BEND6: variants seen among roughly 807,000 people sequenced by gnomAD.
The protein encoded by BEND6 is BEN domain-containing protein 6.
In BEND6, 24 loss-of-function variants were observed where a neutral mutation model predicts 31.8. That is an observed-to-expected ratio of 0.75 (90% CI 0.55 to 1.06). The LOEUF is 1.06. Ranked by LOEUF, BEND6 falls within the 50% of genes least tolerant of loss-of-function variation. BEND6 has a pLI of 0.00. For synonymous variants in BEND6, 109 were observed against 114.6 expected (o/e 0.95, Z 0.31); for missense variants, 294 against 327.4 (o/e 0.90, Z 0.79).
intron 4 of BEND6, among the ~76,000 whole-genome samples, chr6:57,015,753 C>T (rs938145114): frequency 6.7e-6 from 1 of 149,122 alleles, no homozygotes; most frequent in African/African-American, 2.5e-5. Flanking sequence ...TGCAGTGAGC[C>T]GAGATCGAGA....
chr6:56,973,755 C>G (rs577541612), intron 1 of BEND6, among the ~76,000 whole-genome samples: 1 of 152,020 alleles, frequency 6.6e-6, no homozygotes, highest in Admixed American at 6.6e-5. Flanking sequence ...TTTAAACTTA[C>G]AATTTTTTTC....
At chr6:57,025,064 T>A (rs989716409) in intron 6 of BEND6, among the ~76,000 whole-genome samples, 3 of 152,252 alleles carry the variant, frequency 2.0e-5, no homozygotes, top group African/African-American at 7.2e-5. Flanking sequence ...TTTGATTTTT[T>A]AAATTATTCC....
chr6:56,972,826 A>G (rs1825737046), intron 1 of BEND6, among the ~76,000 whole-genome samples: 1 of 152,218 alleles, frequency 6.6e-6, no homozygotes, highest in South Asian at 2.1e-4. Context: ...AAGTACAAGA[A>G]CAGGCCCAGC....
intron 1 of BEND6, among the ~76,000 whole-genome samples, chr6:56,980,344 A>G (rs1200376203): frequency 6.6e-6 from 1 of 152,136 alleles, no homozygotes; most frequent in African/African-American, 2.4e-5. Context: ...GTGAGCCACC[A>G]TGCCTGGCTA....
intron 4 of BEND6, among the ~76,000 whole-genome samples, chr6:57,015,860 G>A (rs1253004003): frequency 6.6e-6 from 1 of 151,676 alleles, no homozygotes; most frequent in African/African-American, 2.4e-5. Flanking sequence ...CTAGCCTGAG[G>A]AAAGGGAAGG....
At chr6:56,992,025 G>A (rs991751136) in intron 2 of BEND6, among the ~76,000 whole-genome samples, 1 of 152,214 alleles carries the variant, frequency 6.6e-6, no homozygotes, top group Non-Finnish European at 1.5e-5. Context: ...TTCATATGGT[G>A]AGGCATTCTG....
Position 57,012,807 on chromosome 6 carries a change from A to C in BEND6, c.299-2326A>C, listed in dbSNP as rs559080894. Among the ~76,000 whole-genome samples, 29 of 152,350 alleles carry C rather than the reference A, an allele frequency of 1.9e-4. No individual in the cohort carries two copies. In the South Asian group the frequency reaches 6.0e-3, roughly 32 times the overall value. ...AACATGTACAAACATAATTTGAAAA[A>C]AATAGTAAATATTCTTGTAGTCCCA... On this transcript the variant is annotated intron_variant, in intron 3 of 6. Transcript: ENST00000370746.
At position 57,017,220 on chromosome 6, in the gene BEND6, A is replaced by C. The variant is rs369189425; in HGVS notation, c.533A>C (p.Lys178Thr). 3.2e-6 allele frequency: 5 copies of C among 1,574,968 alleles called. No individual in the cohort carries two copies. The highest frequency in any genetic ancestry group is 4.3e-6 in the Non-Finnish European group (5 of 1,162,162). ...QTDEKQFQIE[K>T]WQIARCNKSK... ...TTATCTTTTTAGTTCCAGATTGAAAAATGGCAGATTGCCCGTTGTAACAAG... is the reference window on the plus strand; with the variant it reads ...TTATCTTTTTAGTTCCAGATTGAAACATGGCAGATTGCCCGTTGTAACAAG... The change falls in exon 5 of 7, where the codon AAA (lysine) becomes ACA (threonine). Residue 178 changes from lysine to threonine, a missense_variant. By Grantham distance (78) the Lys-to-Thr change is moderately conservative. Transcript: ENST00000370746.
chr6:56,958,071 C>A (rs1428601360), intron 1 of BEND6, among the ~76,000 whole-genome samples: 1 of 152,146 alleles, frequency 6.6e-6, no homozygotes, highest in Admixed American at 6.5e-5. Flanking sequence ...CAGGAAGGAA[C>A]CCAACCTGTT....
chr6:56,967,876 GT>G (rs1825540858), intron 1 of BEND6, among the ~76,000 whole-genome samples: 1 of 152,220 alleles, frequency 6.6e-6, no homozygotes, highest in Non-Finnish European at 1.5e-5. Context: ...AGGTTCCACC[GT>G]GGACCTCAGC....
chr6:56,975,296 A>G (rs1825833797), intron 1 of BEND6, among the ~76,000 whole-genome samples: 1 of 147,018 alleles, frequency 6.8e-6, no homozygotes. Context: ...ATCATTCAAT[A>G]TTATAGTTGT....
intron 4 of BEND6, among the ~76,000 whole-genome samples, chr6:57,016,367 T>C (rs568171806): frequency 1.3e-5 from 2 of 152,336 alleles, no homozygotes; most frequent in African/African-American, 2.4e-5. Context: ...TTTATTATCT[T>C]AGAGTTCTAT....
intron 2 of BEND6, among the ~76,000 whole-genome samples, chr6:56,989,374 A>G (rs1183317045): frequency 6.6e-6 from 1 of 152,272 alleles, no homozygotes; most frequent in Non-Finnish European, 1.5e-5. Context: ...TGTCCTATCA[A>G]TGGGAATTTG....
At chr6:57,000,779 C>G (rs1283499799) in intron 3 of BEND6, among the ~76,000 whole-genome samples, 1 of 151,078 alleles carries the variant, frequency 6.6e-6, no homozygotes, top group African/African-American at 2.4e-5. Flanking sequence ...GCCATACCCA[C>G]TTTCTGTGCT....
intron 1 of BEND6, among the ~76,000 whole-genome samples, chr6:56,972,540 G>A (rs148672746): frequency 7.8e-4 from 119 of 152,316 alleles, no homozygotes; most frequent in Non-Finnish European, 1.4e-3. Context: ...AAGGAAAAAG[G>A]ATTGAAAGGA....
chr6:56,990,923 T>C (rs181125057), intron 2 of BEND6, among the ~76,000 whole-genome samples: 2 of 152,310 alleles, frequency 1.3e-5, no homozygotes, highest in Admixed American at 1.3e-4. Context: ...ATCTATTCTC[T>C]TCATTTATAA....
chr6:56,993,271 A>G (rs1412220325), intron 3 of BEND6, among the ~76,000 whole-genome samples: 1 of 152,252 alleles, frequency 6.6e-6, no homozygotes, highest in Non-Finnish European at 1.5e-5. Context: ...TTTTTTATAC[A>G]GCTGAATATT....
intron 1 of BEND6, chr6:56,975,655 GA>G: frequency 2.5e-6 from 1 of 400,256 alleles, no homozygotes; most frequent in Non-Finnish European, 5.0e-6. Context: ...CTCTAGCCGT[GA>G]AAAAACTCAG....
chr6:57,004,087 A>T (rs951425114), intron 3 of BEND6, among the ~76,000 whole-genome samples: 10 of 152,154 alleles, frequency 6.6e-5, no homozygotes, highest in African/African-American at 2.4e-4. Context: ...AGCAGGTAAA[A>T]CCAGAAGCAT....
Sources: gnomAD v4.1 joint callset for allele counts (sites outside exome capture counted in the v4.1 genomes callset) on GRCh38, gnomAD v4.1.1 for gene constraint, MANE v1.5 for transcripts, NCBI Gene and HGNC (gene_info 2026-07-23, HGNC 2026-07-21) for gene names.